PCDHB10: variants seen among roughly 807,000 people sequenced by gnomAD.
PCDHB10 encodes the protein protocadherin beta-10.
For missense variants in PCDHB10, 1,046 were observed against 1,004.7 expected, an observed-to-expected ratio of 1.04 and a Z score of -0.56; for synonymous variants, 448 against 449.2, an observed-to-expected ratio of 1.00 and a Z score of 0.04.
Position 141,194,767 on chromosome 5 carries a change from G to C in PCDHB10, c.2215G>C (p.Val739Leu). The C allele has an allele frequency of 6.2e-7, 1 of 1,614,088 alleles. No homozygotes were observed. The highest frequency in any genetic ancestry group is 8.5e-7 in the Non-Finnish European group (1 of 1,180,028). ...VPEGPFPGHL[V>L]DVRGAETLSQ... is the part of the protein sequence containing the mutation. ...CGAGGGTCCTTTTCCAGGGCATCTG[G>C]TGGACGTGAGGGGCGCTGAGACCCT... Residue 739 changes from valine to leucine, a missense_variant, in exon 1 of 1, where the codon GTG becomes CTG. By Grantham distance (32) the Val-to-Leu change is conservative. Transcript: ENST00000239446.
At position 141,193,233 on chromosome 5, in the gene PCDHB10, T is replaced by G; in HGVS notation, c.681T>G (p.Thr227=). ...GGSPSRSGTS[T]VRIVVLDVND... The stretch of plus-strand genomic sequence containing the variant: ...CTCCATCCAGGTCTGGGACCTCTAC[T>G]GTACGCATCGTTGTCTTGGACGTCA... Residue 227 remains threonine (T), a synonymous_variant, in exon 1 of 1, where the codon ACT becomes ACG. Transcript: ENST00000239446. 1 of 1,614,108 alleles carries G rather than the reference T, an allele frequency of 6.2e-7. No homozygotes were observed. Among genetic ancestry groups the G allele is most frequent in the Non-Finnish European group, 8.5e-7 (1 of 1,180,026 alleles).
In PCDHB10 at chr5:141,193,885, A is replaced by C. The variant is rs1235861413; in HGVS notation, c.1333A>C (p.Asn445His). 1 of 1,613,666 alleles carries C rather than the reference A, an allele frequency of 6.2e-7. No homozygotes were observed. Among genetic ancestry groups the C allele is most frequent in the Non-Finnish European group, 8.5e-7 (1 of 1,180,018 alleles). The change falls in exon 1 of 1, where the codon AAT becomes CAT. Residue 445 changes from asparagine to histidine, a missense_variant. Coordinates refer to ENST00000239446, the MANE Select transcript of PCDHB10 (RefSeq NM_018930.4). ...HNITVLVSDV[N>H]DNAPAFTQTS... ...CATAACGGTCCTGGTCTCCGACGTC[A>C]ATGACAACGCCCCCGCCTTCACCCA...
Position 141,193,034 on chromosome 5 carries a change from A to T in PCDHB10, c.482A>T (p.Asp161Val), listed in dbSNP as rs1753942126. 1 of 1,614,088 alleles carries T rather than the reference A, an allele frequency of 6.2e-7. No individual in the cohort carries two copies. Among genetic ancestry groups the T allele is most frequent in the Non-Finnish European group, 8.5e-7 (1 of 1,180,048 alleles). Residue 161 changes from aspartate (D) to valine (V), a missense_variant, in exon 1 of 1, where the codon GAT becomes GTT. By Grantham distance (152) the Asp-to-Val change is radical. Coordinates refer to ENST00000239446, the MANE Select transcript of PCDHB10 (RefSeq NM_018930.4). Reference sequence around the variant, plus strand: ...AGACTAGAAAGAGCACAGGATCCAGATGGAGGACTTAACGGTATCCAAAAC... The same window carrying T: ...AGACTAGAAAGAGCACAGGATCCAGTTGGAGGACTTAACGGTATCCAAAAC... ...AFRLERAQDP[D>V]GGLNGIQNYT...
chr5:141,193,265 A>T lies in PCDHB10; in HGVS notation c.713A>T (p.Asn238Ile), dbSNP rs1554284011. 1 of 1,614,060 alleles carries T rather than the reference A, an allele frequency of 6.2e-7. No homozygotes were observed. Among genetic ancestry groups the T allele is most frequent in the East Asian group, 2.2e-5 (1 of 44,860 alleles). Reference protein sequence around the residue: ...VRIVVLDVNDNAPQFAQALYE... With the variant: ...VRIVVLDVNDIAPQFAQALYE... ...ATCGTTGTCTTGGACGTCAATGACA[A>T]TGCCCCACAGTTTGCCCAGGCTCTG... Residue 238 changes from asparagine to isoleucine, a missense_variant, in exon 1 of 1, where the codon AAT becomes ATT. Asn to Ile is a moderately radical substitution (Grantham distance 149, BLOSUM62 -3). Coordinates refer to ENST00000239446, the MANE Select transcript of PCDHB10 (RefSeq NM_018930.4).
At position 141,194,747 on chromosome 5, in the gene PCDHB10, G is replaced by A. The variant is rs1332606212; in HGVS notation, c.2195G>A (p.Gly732Asp). 6.2e-7 allele frequency: 1 copy of A among 1,613,706 alleles called. No homozygotes were observed. The highest frequency in any genetic ancestry group is 1.7e-5 in the Admixed American group (1 of 59,994). Residue 732 changes from glycine to aspartate, a missense_variant, in exon 1 of 1, where the codon GGT (glycine) becomes GAT (aspartate). Transcript: ENST00000239446. ...GTGGGTCGCTGCTCGGTGCCCGAGG[G>A]TCCTTTTCCAGGGCATCTGGTGGAC... is the stretch of plus-strand genomic sequence containing the variant. Reference protein sequence around the residue: ...ASVGRCSVPEGPFPGHLVDVR... With the variant: ...ASVGRCSVPEDPFPGHLVDVR...
In PCDHB10 at chr5:141,194,778, G is replaced by C. The variant is rs782254126; in HGVS notation, c.2226G>C (p.Arg742Ser). The change falls in exon 1 of 1, where the codon AGG becomes AGC. Residue 742 changes from arginine (R) to serine (S), a missense_variant. By Grantham distance (110) the Arg-to-Ser change is moderately radical. Coordinates refer to ENST00000239446, the MANE Select transcript of PCDHB10 (RefSeq NM_018930.4). Reference sequence around the variant, plus strand: ...TTCCAGGGCATCTGGTGGACGTGAGGGGCGCTGAGACCCTGTCCCAGAGCT... The same window carrying C: ...TTCCAGGGCATCTGGTGGACGTGAGCGGCGCTGAGACCCTGTCCCAGAGCT... ...GPFPGHLVDV[R>S]GAETLSQSYQ... 1.6e-5 allele frequency: 26 copies of C among 1,613,876 alleles called. No homozygotes were observed. The African/African-American group carries it at 2.4e-4, about 15-fold the overall frequency.
rs373112771 is a variant in PCDHB10 at position 141,193,164 on chromosome 5, G to A, written c.612G>A (p.Glu204=). 1.5e-5 allele frequency: 24 copies of A among 1,614,016 alleles called. No homozygotes were observed. Among genetic ancestry groups the A allele is most frequent in the South Asian group, 5.5e-5 (5 of 91,076 alleles). Residue 204 remains glutamate, a synonymous_variant, in exon 1 of 1, where the codon GAG becomes GAA. Coordinates refer to ENST00000239446, the MANE Select transcript of PCDHB10 (RefSeq NM_018930.4). ...TGGACAAAGCACTGGATCGGGAGGAGCAGGGAGAGCTCAGCTTAACCCTCA... is the reference window on the plus strand; with the variant it reads ...TGGACAAAGCACTGGATCGGGAGGAACAGGGAGAGCTCAGCTTAACCCTCA... The part of the protein sequence containing the change: ...LVLDKALDRE[E]QGELSLTLTA...
chr5:141,194,572 C>G lies in PCDHB10; in HGVS notation c.2020C>G (p.Pro674Ala). Residue 674 changes from proline to alanine, a missense_variant, in exon 1 of 1, where the codon CCG (proline) becomes GCG (alanine). By Grantham distance (27) the Pro-to-Ala change is conservative. Transcript: ENST00000239446. ...CTTCTCCCAGCCCTACCTGCCTCTC[C>G]CGGAGGCGGCCCCGGCCCAGGCCCA... is the stretch of plus-strand genomic sequence containing the variant. ...DGFSQPYLPL[P>A]EAAPAQAQAE... 1.3e-6 allele frequency: 2 copies of G among 1,565,776 alleles called. No individual in the cohort carries two copies. Among genetic ancestry groups the G allele is most frequent in the Non-Finnish European group, 1.7e-6 (2 of 1,161,902 alleles).
Position 141,193,408 on chromosome 5 carries a change from GA to G in PCDHB10, c.860del (p.Asn287IlefsTer25), listed in dbSNP as rs782060038. 1 of 1,614,142 alleles carries G rather than the reference GA, an allele frequency of 6.2e-7. No homozygotes were observed. The highest frequency in any genetic ancestry group is 2.2e-5 in the East Asian group (1 of 44,882). The stretch of plus-strand genomic sequence containing the variant: ...ATCCTATTCATTTTTTGATGCCTCA[GA>G]AAATATTCGAACAACCTTTCAAATC... ...EVSYSFFDAS[E>X]NIRTTFQINP... On this transcript the variant is annotated frameshift_variant, in exon 1 of 1. Coordinates refer to ENST00000239446, the MANE Select transcript of PCDHB10 (RefSeq NM_018930.4). LOFTEE classifies it low-confidence loss of function (END_TRUNC).
At position 141,193,781 on chromosome 5, in the gene PCDHB10, A is replaced by C; in HGVS notation, c.1229A>C (p.Asp410Ala). 1 of 1,614,212 alleles carries C rather than the reference A, an allele frequency of 6.2e-7. No homozygotes were observed. Among genetic ancestry groups the C allele is most frequent in the Non-Finnish European group, 8.5e-7 (1 of 1,180,048 alleles). Residue 410 changes from aspartate (D) to alanine (A), a missense_variant, in exon 1 of 1, where the codon GAC becomes GCC. Transcript: ENST00000239446. ...ATCCTAATTACAGAAGGCGCGCTGG[A>C]CAGAGAGATCAGAGCCGAGTACAAC... Reference protein sequence around the residue: ...FYILITEGALDREIRAEYNIT... With the variant: ...FYILITEGALAREIRAEYNIT...
In PCDHB10 at chr5:141,193,292, A is replaced by T; in HGVS notation, c.740A>T (p.Tyr247Phe). 6.2e-7 allele frequency: 1 copy of T among 1,614,078 alleles called. No homozygotes were observed. The change falls in exon 1 of 1, where the codon TAT (tyrosine) becomes TTT (phenylalanine). Residue 247 changes from tyrosine (Y) to phenylalanine (F), a missense_variant. Coordinates refer to ENST00000239446, the MANE Select transcript of PCDHB10 (RefSeq NM_018930.4). ...DNAPQFAQAL[Y>F]ETQAPENSPI... ...GCCCCACAGTTTGCCCAGGCTCTGT[A>T]TGAGACCCAGGCTCCAGAAAACAGC...
rs1446630347 is a variant in PCDHB10, at chr5:141,194,432, C to A, written c.1880C>A (p.Ala627Asp). Residue 627 changes from alanine (A) to aspartate (D), a missense_variant, in exon 1 of 1, where the codon GCC (alanine) becomes GAC (aspartate). Physicochemically the swap from Ala to Asp is moderately radical, Grantham distance 126. Coordinates refer to ENST00000239446, the MANE Select transcript of PCDHB10 (RefSeq NM_018930.4). Reference protein sequence around the residue: ...VWAHNGEVRTARLLSERDAAK... With the variant: ...VWAHNGEVRTDRLLSERDAAK... ...GCGCACAATGGGGAGGTGCGCACCG[C>A]CAGGCTGCTGAGCGAGCGCGACGCA... The A allele has an allele frequency of 6.2e-7, 1 of 1,603,624 alleles. No individual in the cohort carries two copies. The highest frequency in any genetic ancestry group is 8.5e-7 in the Non-Finnish European group (1 of 1,179,518).
chr5:141,192,710 G>A lies in PCDHB10; in HGVS notation c.158G>A (p.Gly53Glu). 1 of 1,613,516 alleles carries A rather than the reference G, an allele frequency of 6.2e-7. No homozygotes were observed. The highest frequency in any genetic ancestry group is 8.5e-7 in the Non-Finnish European group (1 of 1,179,698). The change falls in exon 1 of 1, where the codon GGA becomes GAA. Residue 53 changes from glycine (G) to glutamate (E), a missense_variant. Transcript: ENST00000239446. ...GTGGTCAATCTGGCAAAGGATCTGG[G>A]ACTAGCAGAGGGGGAGCTGGCTGCA... ...SFVVNLAKDL[G>E]LAEGELAARG...
At position 141,194,739 on chromosome 5, in the gene PCDHB10, G is replaced by A. The variant is rs1554284485; in HGVS notation, c.2187G>A (p.Val729=). The A allele has an allele frequency of 6.2e-7, 1 of 1,613,068 alleles. No homozygotes were observed. The change falls in exon 1 of 1, where the codon GTG becomes GTA. Residue 729 remains valine, a synonymous_variant. Transcript: ENST00000239446. The part of the protein sequence containing the change: ...SRAASVGRCS[V]PEGPFPGHLV... ...CGGCCTCGGTGGGTCGCTGCTCGGT[G>A]CCCGAGGGTCCTTTTCCAGGGCATC...
chr5:141,193,774 G>T lies in PCDHB10; in HGVS notation c.1222G>T (p.Ala408Ser). The T allele has an allele frequency of 6.2e-7, 1 of 1,614,180 alleles. No individual in the cohort carries two copies. Among genetic ancestry groups the T allele is most frequent in the Non-Finnish European group, 8.5e-7 (1 of 1,180,042 alleles). The change falls in exon 1 of 1, where the codon GCG (alanine) becomes TCG (serine). Residue 408 changes from alanine (A) to serine (S), a missense_variant. Coordinates refer to ENST00000239446, the MANE Select transcript of PCDHB10 (RefSeq NM_018930.4). ...ENFYILITEG[A>S]LDREIRAEYN... ...TTTTTACATCCTAATTACAGAAGGC[G>T]CGCTGGACAGAGAGATCAGAGCCGA...
chr5:141,193,103 G>C lies in PCDHB10; in HGVS notation c.551G>C (p.Gly184Ala). Reference sequence around the variant, plus strand: ...TCTTTTTTCCATATTAACATTAGTGGCGGTGATGAAGGCATGATATATCCA... The same window carrying C: ...TCTTTTTTCCATATTAACATTAGTGCCGGTGATGAAGGCATGATATATCCA... ...PNSFFHINIS[G>A]GDEGMIYPEL... The change falls in exon 1 of 1, where the codon GGC becomes GCC. Residue 184 changes from glycine (G) to alanine (A), a missense_variant. Transcript: ENST00000239446. 2 of 1,614,130 alleles carry C rather than the reference G, an allele frequency of 1.2e-6. No homozygotes were observed. Among genetic ancestry groups the C allele is most frequent in the Non-Finnish European group, 1.7e-6 (2 of 1,180,038 alleles).
rs757139896 is a variant in PCDHB10 at position 141,193,425 on chromosome 5, C to T, written c.873C>T (p.Thr291=). The T allele has an allele frequency of 4.3e-6, 7 of 1,614,002 alleles. No individual in the cohort carries two copies. Among genetic ancestry groups the T allele is most frequent in the Middle Eastern group, 1.6e-4 (1 of 6,084 alleles). Reference sequence around the variant, plus strand: ...ATGCCTCAGAAAATATTCGAACAACCTTTCAAATCAATCCTTTTTCTGGGG... The same window carrying T: ...ATGCCTCAGAAAATATTCGAACAACTTTTCAAATCAATCCTTTTTCTGGGG... The part of the protein sequence containing the change: ...FFDASENIRT[T]FQINPFSGEI... The change falls in exon 1 of 1, where the codon ACC becomes ACT. Residue 291 remains threonine (T), a synonymous_variant. Coordinates refer to ENST00000239446, the MANE Select transcript of PCDHB10 (RefSeq NM_018930.4).
At position 141,194,508 on chromosome 5, in the gene PCDHB10, C is replaced by T. The variant is rs781809151; in HGVS notation, c.1956C>T (p.Arg652=). 3 of 1,587,922 alleles carry T rather than the reference C, an allele frequency of 1.9e-6. No individual in the cohort carries two copies. Among genetic ancestry groups the T allele is most frequent in the Non-Finnish European group, 1.7e-6 (2 of 1,172,376 alleles). ...TCAAGGACAATGGCGAGCCTCCTCGCTCGGCCACCGCCACGCTGCACTTGC... is the reference window on the plus strand; with the variant it reads ...TCAAGGACAATGGCGAGCCTCCTCGTTCGGCCACCGCCACGCTGCACTTGC... ...VLVKDNGEPP[R]SATATLHLLL... The change falls in exon 1 of 1, where the codon CGC becomes CGT. Residue 652 remains arginine (R), a synonymous_variant. Transcript: ENST00000239446.
Position 141,194,804 on chromosome 5 carries a change from A to C in PCDHB10, c.2252A>C (p.Tyr751Ser). 2 of 1,614,008 alleles carry C rather than the reference A, an allele frequency of 1.2e-6. No homozygotes were observed. Among genetic ancestry groups the C allele is most frequent in the East Asian group, 4.5e-5 (2 of 44,828 alleles). ...VRGAETLSQS[Y>S]QYEVCLTGGP... is the part of the protein sequence containing the mutation. ...GGCGCTGAGACCCTGTCCCAGAGCT[A>C]CCAGTATGAGGTGTGTCTGACGGGA... The change falls in exon 1 of 1, where the codon TAC (tyrosine) becomes TCC (serine). Residue 751 changes from tyrosine to serine, a missense_variant. Coordinates refer to ENST00000239446, the MANE Select transcript of PCDHB10 (RefSeq NM_018930.4).
Sources: allele counts gnomAD v4.1 joint callset, GRCh38; gene constraint gnomAD v4.1.1; transcripts MANE v1.5; gene names NCBI Gene and HGNC (gene_info 2026-07-23, HGNC 2026-07-21).